The following PLCE1 variants were observed in gnomAD, a reference collection of about 807,000 sequenced individuals.
PLCE1 encodes phospholipase C epsilon 1.
In PLCE1, 119 loss-of-function variants were observed where a neutral mutation model predicts 242.8. The ratio of observed to expected loss-of-function variants is 0.49; its 90% CI spans 0.42 to 0.57. PLCE1 has a LOEUF of 0.57. Among genes scored for constraint, PLCE1 ranks in the 20% least tolerant of loss-of-function variants. The probability of loss-of-function intolerance (pLI) is 0.00; values close to 1 mark genes in which losing one functional copy is unlikely to be tolerated. For synonymous variants in PLCE1, 945 were observed against 1,017.4 expected, an observed-to-expected ratio of 0.93 and a Z score of 1.35; for missense variants, 2,441 against 2,788.8, an observed-to-expected ratio of 0.88 and a Z score of 2.81.
chr10:94,290,486 C>T (rs1479656627), intron 22 of PLCE1, among the ~76,000 whole-genome samples: 2 of 149,882 alleles, frequency 1.3e-5, no homozygotes, highest in Non-Finnish European at 3.0e-5. Flanking sequence ...ATACAAGCAC[C>T]CACATTAGCC....
intron 1 of PLCE1, among the ~76,000 whole-genome samples, chr10:94,007,743 A>G (rs2061073055): frequency 1.6e-5 from 1 of 64,210 alleles, no homozygotes; most frequent in African/African-American, 7.8e-5. Flanking sequence ...TCTGGTGGGT[A>G]TTCTTATAGA....
At chr10:94,150,400 T>G (rs1396102755) in intron 3 of PLCE1, among the ~76,000 whole-genome samples, 1 of 152,190 alleles carries the variant, frequency 6.6e-6, no homozygotes, top group African/African-American at 2.4e-5. Flanking sequence ...CCTGCCTCAG[T>G]CTATAAGCCC....
At chr10:94,127,020 T>C (rs2046455033) in intron 2 of PLCE1, among the ~76,000 whole-genome samples, 1 of 152,150 alleles carries the variant, frequency 6.6e-6, no homozygotes, top group African/African-American at 2.4e-5. Context: ...TCTTACTAGG[T>C]GTGTAAGGCT....
chr10:94,320,336 A>AAAT (rs2053752484), intron 29 of PLCE1, among the ~76,000 whole-genome samples: 1 of 151,936 alleles, frequency 6.6e-6, no homozygotes, highest in South Asian at 2.1e-4. Context: ...AAAAAAGTTA[A>AAAT]AATAGATTAT....
intron 27 of PLCE1, 87 bp from the exon 28 acceptor site, chr10:94,313,167 C>T: frequency 6.7e-7 from 1 of 1,502,164 alleles, no homozygotes; most frequent in Non-Finnish European, 9.2e-7. Context: ...CCTATCCGTA[C>T]TTCTAAGTAC....
chr10:94,160,033 C>G (rs28580692), intron 3 of PLCE1, among the ~76,000 whole-genome samples: 1 of 152,116 alleles, frequency 6.6e-6, no homozygotes, highest in Non-Finnish European at 1.5e-5. Context: ...GGACATTTGG[C>G]TTGGTTCCAA....
intron 1 of PLCE1, among the ~76,000 whole-genome samples, chr10:94,025,789 CAAAT>C (rs2134426717): frequency 6.6e-6 from 1 of 152,264 alleles, no homozygotes; most frequent in Non-Finnish European, 1.5e-5. Context: ...CTCAATTCTT[CAAAT>C]AAATAAAGAT....
At chr10:94,039,070 T>G (rs957078633) in intron 2 of PLCE1, among the ~76,000 whole-genome samples, 1 of 152,230 alleles carries the variant, frequency 6.6e-6, no homozygotes, top group African/African-American at 2.4e-5. Flanking sequence ...GAATCAATAT[T>G]CATACTTTTC....
Position 94,209,755 on chromosome 10 carries a change from G to A in PLCE1, c.1810-17551G>A, listed in dbSNP as rs114658918. On this transcript the variant is annotated intron_variant, in intron 4 of 32. Transcript: ENST00000371380. ...ATTCAAAGAAACACCACAATTCAAT[G>A]CAGGTGCCTCACAAAATCAAATGCC... Among the ~76,000 whole-genome samples the A allele has an allele frequency of 4.7e-3, 713 of 152,292 alleles. 6 individuals are homozygous for A. The highest frequency in any genetic ancestry group is 0.016 in the African/African-American group (677 of 41,548).
chr10:94,244,607 CAG>C (rs1292834710), intron 7 of PLCE1, among the ~76,000 whole-genome samples: 2 of 152,156 alleles, frequency 1.3e-5, no homozygotes, highest in African/African-American at 2.4e-5. Context: ...CACACATGCA[CAG>C]AGAGAGTAGA....
chr10:94,329,384 T>TAA lies in PLCE1; in HGVS notation c.*1444_*1445dup, dbSNP rs2054129215. 1 of 152,176 alleles carries TAA rather than the reference T, an allele frequency of 6.6e-6. No individual in the cohort carries two copies. The highest frequency in any genetic ancestry group is 1.5e-5 in the Non-Finnish European group (1 of 68,026). The allele number at this position is 152,176 out of a possible 1,614,324, so 9.4% of individuals were successfully genotyped here. ...CACTTTTCTTCAAATTACAAAACAC[T>TAA]AAAACTCACTCCTAAACTTCACTTT... On this transcript the variant is annotated 3_prime_UTR_variant, in exon 33 of 33. Coordinates refer to ENST00000371380, the MANE Select transcript of PLCE1 (RefSeq NM_016341.4).
In PLCE1 at chr10:94,031,127, T is replaced by A; in HGVS notation, c.81T>A (p.Asp27Glu). 1.2e-6 allele frequency: 2 copies of A among 1,613,872 alleles called. No homozygotes were observed. Among genetic ancestry groups the A allele is most frequent in the East Asian group, 2.2e-5 (1 of 44,854 alleles). The change falls in exon 2 of 33, where the codon GAT becomes GAA. Residue 27 changes from aspartate (D) to glutamate (E), a missense_variant. Transcript: ENST00000371380. ...TGGTTTCTGCCCAGTCGGCTGCAGA[T>A]GAAAGTAGTGAAAAGGTCTCAGACA... The part of the protein sequence containing the change: ...RKVVSAQSAA[D>E]ESSEKVSDIN...
At chr10:94,077,782 C>T (rs72812683) in intron 2 of PLCE1, among the ~76,000 whole-genome samples, 1 of 151,740 alleles carries the variant, frequency 6.6e-6, no homozygotes, top group Non-Finnish European at 1.5e-5. Context: ...AACAAACAAA[C>T]AAAAAAACAG....
At chr10:94,273,990 T>G (rs953423998) in intron 19 of PLCE1, among the ~76,000 whole-genome samples, 1 of 152,228 alleles carries the variant, frequency 6.6e-6, no homozygotes, top group Non-Finnish European at 1.5e-5. Context: ...GTGTGACTGT[T>G]GTGTCTGAAA....
intron 2 of PLCE1, among the ~76,000 whole-genome samples, chr10:94,082,448 A>G (rs1158536110): frequency 6.6e-6 from 1 of 152,114 alleles, no homozygotes; most frequent in East Asian, 1.9e-4. Flanking sequence ...GACTGGAGAG[A>G]AGCTTGTGCT....
chr10:94,152,238 C>A (rs1239141395), intron 3 of PLCE1, among the ~76,000 whole-genome samples: 2 of 152,164 alleles, frequency 1.3e-5, no homozygotes, highest in Non-Finnish European at 2.9e-5. Flanking sequence ...CTACTTAAAT[C>A]GTCAAACGTA....
At chr10:94,272,666 C>T (rs1023879409) in intron 18 of PLCE1, among the ~76,000 whole-genome samples, 42 of 152,184 alleles carry the variant, frequency 2.8e-4, no homozygotes, top group African/African-American at 9.4e-4. Context: ...TCCTCTGCCA[C>T]GGCTCCAGCT....
intron 27 of PLCE1, among the ~76,000 whole-genome samples, chr10:94,312,946 CAA>C (rs2053433084): frequency 6.7e-6 from 1 of 149,870 alleles, no homozygotes; most frequent in African/African-American, 2.4e-5. Context: ...AGATGGAACT[CAA>C]TAGATACTAT....
At chr10:94,211,003 G>A (rs1370334313) in intron 4 of PLCE1, among the ~76,000 whole-genome samples, 1 of 152,230 alleles carries the variant, frequency 6.6e-6, no homozygotes, top group Non-Finnish European at 1.5e-5. Context: ...TTCAAGGCCA[G>A]CATATCTGAA....
Sources: allele counts gnomAD v4.1 joint callset (sites outside exome capture counted in the v4.1 genomes callset), GRCh38; gene constraint gnomAD v4.1.1; transcripts MANE v1.5; gene names NCBI Gene and HGNC (gene_info 2026-07-23, HGNC 2026-07-21).